ZNF600: variants seen among roughly 807,000 people sequenced by gnomAD.
The protein encoded by ZNF600 is zinc finger protein KR-ZNF1.
Under a neutral mutation model 7.3 loss-of-function variants are expected in ZNF600, and 4 were observed. That is an observed-to-expected ratio of 0.55 (90% CI 0.27 to 1.25). The LOEUF (loss-of-function observed/expected upper bound fraction) is 1.25, where lower values mean the gene tolerates loss of function less well. ZNF600 is among the 50% of genes most tolerant of loss of function. The probability of loss-of-function intolerance (pLI) is 0.12; values close to 1 mark genes in which losing one functional copy is unlikely to be tolerated. For synonymous variants in ZNF600, 290 were observed against 308.9 expected (o/e 0.94, Z 0.64); for missense variants, 911 against 922.1 (o/e 0.99, Z 0.16).
At chr19:52,807,834 T>C in the ZNF600 span, 3 of 1,111,446 alleles carry the variant, frequency 2.7e-6, no homozygotes, top group African/African-American at 1.6e-5. Context: ...TCATGAAGAA[T>C]GCAGAACCTC....
chr19:52,767,706 T>G, exon 4 of ZNF600: 1 of 1,613,104 alleles, frequency 6.2e-7, no homozygotes, highest in African/African-American at 1.3e-5. Flanking sequence ...TGTCCCTGTG[T>G]GGATCACTTC....
At chr19:52,803,133 G>C in the ZNF600 span, among the ~76,000 whole-genome samples, 1 of 152,140 alleles carries the variant, frequency 6.6e-6, no homozygotes, top group African/African-American at 2.4e-5. Context: ...AGGCTGGAGT[G>C]CAATGGTATG....
chr19:52,796,216 G>C, the ZNF600 span, among the ~76,000 whole-genome samples: 8,334 of 152,214 alleles, frequency 0.055, 280 homozygotes, highest in African/African-American at 0.088. Flanking sequence ...TCCTGGGTCT[G>C]GGGACAGGGG....
the ZNF600 span, among the ~76,000 whole-genome samples, chr19:52,820,544 A>C: frequency 7.1e-3 from 1,079 of 151,534 alleles, 11 homozygotes; most frequent in African/African-American, 0.025. Flanking sequence ...AACCCCCTGG[A>C]CCCAGTCTGG....
the ZNF600 span, chr19:52,799,851 C>T: frequency 6.2e-7 from 1 of 1,613,972 alleles, no homozygotes; most frequent in African/African-American, 1.3e-5. Flanking sequence ...ACATTCATTA[C>T]ACTTGTAAGG....
At chr19:52,828,130 C>T in the ZNF600 span, among the ~76,000 whole-genome samples, 1 of 152,072 alleles carries the variant, frequency 6.6e-6, no homozygotes, top group East Asian at 1.9e-4. Flanking sequence ...CACCTAAATG[C>T]AACCTCCGCC....
At chr19:52,782,468 A>C (rs147296001) in intron 1 of ZNF600, among the ~76,000 whole-genome samples, 117 of 152,092 alleles carry the variant, frequency 7.7e-4, no homozygotes, top group Non-Finnish European at 1.4e-3. Context: ...GTTTGTGATG[A>C]GCCAACATCA....
chr19:52,827,828 AGCCACC>A, the ZNF600 span, among the ~76,000 whole-genome samples: 59 of 151,834 alleles, frequency 3.9e-4, no homozygotes, highest in Middle Eastern at 3.4e-3. Context: ...AACAGGCGTG[AGCCACC>A]GCGCCCGGCC....
rs183393321 is a variant in ZNF600 at position 52,770,450 on chromosome 19, A to C, written c.191-2678T>G. Among the ~76,000 whole-genome samples, 6 of 152,332 alleles carry C rather than the reference A, an allele frequency of 3.9e-5. No homozygotes were observed. In the East Asian group the frequency reaches 9.6e-4, roughly 24 times the overall value. The stretch of plus-strand genomic sequence containing the variant: ...GGGCTAGACTCCATCTCAAATAAAT[A>C]AATAAATAATTGACTAATAGTGTAG... On this transcript the variant is annotated intron_variant, in intron 3 of 3. Transcript: ENST00000648973.
chr19:52,765,982 C>G, exon 4 of ZNF600: 1 of 1,614,092 alleles, frequency 6.2e-7, no homozygotes, highest in Non-Finnish European at 8.5e-7. Context: ...GAATTACGCA[C>G]GAAAGCCTTG....
chr19:52,833,335 C>T, the ZNF600 span, among the ~76,000 whole-genome samples: 2 of 152,156 alleles, frequency 1.3e-5, no homozygotes, highest in African/African-American at 4.8e-5. Context: ...TTCCCAGGAC[C>T]ATGCCCAGTG....
the ZNF600 span, among the ~76,000 whole-genome samples, chr19:52,806,954 G>T: frequency 6.6e-6 from 1 of 152,052 alleles, no homozygotes. Context: ...ATAAGCGGGG[G>T]CAAAGAAAGA....
chr19:52,798,109 A>C, the ZNF600 span: 1 of 159,634 alleles, frequency 6.3e-6, no homozygotes, highest in Non-Finnish European at 1.4e-5. Context: ...ATGACAGAGC[A>C]AGAGACTCCA....
At chr19:52,782,561 T>G (rs1184533404) in intron 1 of ZNF600, among the ~76,000 whole-genome samples, 1 of 150,850 alleles carries the variant, frequency 6.6e-6, no homozygotes, top group Admixed American at 6.6e-5. Context: ...TAAGTAAATT[T>G]AAAGTAAAAT....
the ZNF600 span, among the ~76,000 whole-genome samples, chr19:52,826,318 C>T: frequency 6.6e-6 from 1 of 152,132 alleles, no homozygotes; most frequent in Non-Finnish European, 1.5e-5. Flanking sequence ...TGCTTGTAAT[C>T]CCAGCATTTT....
exon 4 of ZNF600, chr19:52,766,500 C>A: frequency 6.2e-7 from 1 of 1,614,152 alleles, no homozygotes; most frequent in East Asian, 2.2e-5. Context: ...GGTCTTCCCA[C>A]ATTCATTACA....
the ZNF600 span, among the ~76,000 whole-genome samples, chr19:52,793,155 C>T: frequency 6.6e-6 from 1 of 152,122 alleles, no homozygotes; most frequent in Admixed American, 6.5e-5. Flanking sequence ...TTGCTATACT[C>T]AGTGCATTTT....
chr19:52,829,982 A>G, the ZNF600 span, among the ~76,000 whole-genome samples: 45 of 152,230 alleles, frequency 3.0e-4, no homozygotes, highest in African/African-American at 9.9e-4. Flanking sequence ...TTGTTTAAAA[A>G]CCTGGAGGCA....
intron 2 of ZNF600, among the ~76,000 whole-genome samples, chr19:52,776,497 G>A (rs937678641): frequency 5.3e-5 from 8 of 151,022 alleles, no homozygotes; most frequent in African/African-American, 1.9e-4. Flanking sequence ...CTGCAACCTC[G>A]GCCACCCAGG....
Sources: gnomAD v4.1 joint callset for allele counts (sites outside exome capture counted in the v4.1 genomes callset) on GRCh38, gnomAD v4.1.1 for gene constraint, MANE v1.5 for transcripts, NCBI Gene and HGNC (gene_info 2026-07-23, HGNC 2026-07-21) for gene names.